Variants in NEK3 observed in about 807,000 individuals in gnomAD.
NEK3 encodes serine/threonine-protein kinase Nek3.
In NEK3, 54 loss-of-function variants were observed where a neutral mutation model predicts 66.0. That is an observed-to-expected ratio of 0.82 (90% CI 0.66 to 1.03). The LOEUF is 1.03. Among genes scored for constraint, NEK3 ranks in the 50% least tolerant of loss-of-function variants. NEK3 has a pLI of 0.00. For missense variants in NEK3, 593 were observed against 603.0 expected (o/e 0.98, Z 0.17); for synonymous variants, 200 against 206.2 (o/e 0.97, Z 0.26).
At chr13:52,141,838 G>C (rs1385997126) in intron 10 of NEK3, among the ~76,000 whole-genome samples, 2 of 151,414 alleles carry the variant, frequency 1.3e-5, no homozygotes, top group Non-Finnish European at 2.9e-5. Context: ...CCAGCACTTT[G>C]AGAGGCCAAG....
At chr13:52,149,145 C>T (rs12428466) in intron 7 of NEK3, among the ~76,000 whole-genome samples, 3,712 of 151,904 alleles carry the variant, frequency 0.024, 63 homozygotes, top group Admixed American at 0.048. Flanking sequence ...GTGATCCGCG[C>T]GCCTCAGCCT....
chr13:52,146,383 C>T (rs1054352278), intron 8 of NEK3, among the ~76,000 whole-genome samples: 1 of 146,186 alleles, frequency 6.8e-6, no homozygotes, highest in Admixed American at 7.0e-5. Flanking sequence ...TTGCCTCTGG[C>T]TTTTTAACCA....
chr13:52,149,338 G>C (rs1005462384), intron 7 of NEK3, among the ~76,000 whole-genome samples: 3 of 152,084 alleles, frequency 2.0e-5, no homozygotes, highest in Non-Finnish European at 2.9e-5. Context: ...AGCCTCCCAG[G>C]TAGTTGGGAC....
At chr13:52,154,645 T>A (rs1259915707) in intron 2 of NEK3, among the ~76,000 whole-genome samples, 1 of 151,808 alleles carries the variant, frequency 6.6e-6, no homozygotes, top group Non-Finnish European at 1.5e-5. Flanking sequence ...TATGCTGGTA[T>A]ATTACTGCAT....
chr13:52,141,031 C>T lies in NEK3; in HGVS notation c.916G>A (p.Ala306Thr), dbSNP rs777372163. ...TTTAAAGCACTTACCACTGTGCTTG[C>T]TTCATTTCCCAAAGCTATCCTGATT... ...SRIRIALGNE[A>T]STVQEEEQDR... The change falls in exon 11 of 16, where the codon GCA becomes ACA. Residue 306 changes from alanine to threonine, a missense_variant. By Grantham distance (58) the Ala-to-Thr change is moderately conservative (BLOSUM62 0). Coordinates refer to ENST00000610828, the MANE Select transcript of NEK3 (RefSeq NM_002498.3). 4 of 1,597,822 alleles carry T rather than the reference C, an allele frequency of 2.5e-6. No homozygotes were observed. Among genetic ancestry groups the T allele is most frequent in the African/African-American group, 2.7e-5 (2 of 74,682 alleles).
intron 10 of NEK3, among the ~76,000 whole-genome samples, chr13:52,142,989 G>A (rs1438915642): frequency 6.6e-6 from 1 of 152,160 alleles, no homozygotes; most frequent in African/African-American, 2.4e-5. Flanking sequence ...CTATTATGTG[G>A]ATGATTCACA....
intron 1 of NEK3, chr13:52,159,124 G>A (rs1956421856): frequency 6.6e-6 from 1 of 152,382 alleles, no homozygotes; most frequent in East Asian, 1.9e-4. Context: ...GGGGAGACAG[G>A]TCTGAGACCC....
chr13:52,133,889 C>T (rs1956179670), intron 14 of NEK3, 74 bp from the exon 15 acceptor site: 1 of 1,448,966 alleles, frequency 6.9e-7, no homozygotes, highest in Non-Finnish European at 9.4e-7. Context: ...GATTAAAATC[C>T]TCCGTAAGCT....
intron 11 of NEK3, among the ~76,000 whole-genome samples, chr13:52,139,823 C>T (rs569525025): frequency 6.3e-4 from 95 of 151,664 alleles, no homozygotes; most frequent in Non-Finnish European, 1.2e-3. Flanking sequence ...TGCTTGAACC[C>T]GGGAGGCAGA....
At chr13:52,159,144 T>G (rs1170163162) in intron 1 of NEK3, 1 of 152,272 alleles carries the variant, frequency 6.6e-6, no homozygotes, top group Non-Finnish European at 1.5e-5. Flanking sequence ...CTGTTCTGGT[T>G]TGGCCAGCCC....
intron 2 of NEK3, among the ~76,000 whole-genome samples, chr13:52,155,092 CGGAAGCCT>C (rs982360514): frequency 6.6e-6 from 1 of 151,998 alleles, no homozygotes; most frequent in African/African-American, 2.4e-5. Flanking sequence ...CCTACTCAAT[CGGAAGCCT>C]GGGGGTGGAG....
At chr13:52,150,752 G>A (rs79461008) in intron 7 of NEK3, among the ~76,000 whole-genome samples, 7,715 of 152,226 alleles carry the variant, frequency 0.051, 264 homozygotes, top group Non-Finnish European at 0.077. Flanking sequence ...CAGTGATCTT[G>A]AAAAATTACT....
In NEK3 at chr13:52,153,913, C is replaced by A. The variant is rs765104634; in HGVS notation, c.291G>T (p.Lys97Asn). 1.9e-5 allele frequency: 31 copies of A among 1,608,918 alleles called. No individual in the cohort carries two copies. In the African/African-American group the frequency reaches 3.6e-4, roughly 19 times the overall value. ...LMQKIKQQKG[K>N]LFPEDMILNW... Reference sequence around the variant, plus strand: ...CTCTTACCATGTCTTCAGGAAATAACTTTCCTTTCTGCTGTTTAATCTTTT... The same window carrying A: ...CTCTTACCATGTCTTCAGGAAATAAATTTCCTTTCTGCTGTTTAATCTTTT... The change falls in exon 4 of 16, where the codon AAG (lysine) becomes AAT (asparagine). Residue 97 changes from lysine to asparagine, a missense_variant. Transcript: ENST00000610828.
intron 10 of NEK3, 50 bp from the exon 11 acceptor site, chr13:52,141,119 T>A: frequency 1.3e-6 from 2 of 1,498,370 alleles, no homozygotes; most frequent in Non-Finnish European, 1.8e-6. Flanking sequence ...TAAAGGATCA[T>A]CCTATTAAGT....
chr13:52,150,343 A>G (rs1956332707), intron 7 of NEK3, among the ~76,000 whole-genome samples: 1 of 152,224 alleles, frequency 6.6e-6, no homozygotes, highest in Admixed American at 6.5e-5. Context: ...AGCGCCATAT[A>G]GTAAAATATA....
At chr13:52,154,562 A>C (rs1252066332) in intron 2 of NEK3, among the ~76,000 whole-genome samples, 1 of 151,818 alleles carries the variant, frequency 6.6e-6, no homozygotes, top group Non-Finnish European at 1.5e-5. Context: ...GAAAAAAAAA[A>C]GGGAGTGAGG....
chr13:52,140,361 C>A (rs983144423), intron 11 of NEK3, among the ~76,000 whole-genome samples: 6 of 151,914 alleles, frequency 3.9e-5, no homozygotes, highest in Admixed American at 2.0e-4. Flanking sequence ...GTAATCCCAG[C>A]ACTTTGGGAG....
At chr13:52,133,655 C>T (rs753390338) in intron 15 of NEK3, 34 bp downstream of exon 15, 3 of 1,540,722 alleles carry the variant, frequency 1.9e-6, no homozygotes, top group Non-Finnish European at 2.6e-6. Flanking sequence ...ACCCCCAACC[C>T]CAGCTACAGC....
intron 2 of NEK3, among the ~76,000 whole-genome samples, chr13:52,155,326 G>C (rs1482585273): frequency 1.3e-5 from 2 of 152,124 alleles, no homozygotes; most frequent in African/African-American, 4.8e-5. Flanking sequence ...CATAGTAATG[G>C]TCTACAAGGA....
Sources: gnomAD v4.1 joint callset for allele counts (sites outside exome capture counted in the v4.1 genomes callset) on GRCh38, gnomAD v4.1.1 for gene constraint, MANE v1.5 for transcripts, NCBI Gene and HGNC (gene_info 2026-07-23, HGNC 2026-07-21) for gene names.